The following IKZF1 variants were observed in gnomAD, a reference collection of about 807,000 sequenced individuals.
IKZF1 encodes the protein DNA-binding protein Ikaros.
A neutral mutation model predicts 51.7 loss-of-function variants in IKZF1; 10 were observed. The observed-to-expected ratio is 0.19, with a 90% CI of 0.12 to 0.33. IKZF1 has a LOEUF of 0.33. Ranked by LOEUF, IKZF1 falls within the 10% of genes least tolerant of loss-of-function variation. The pLI is 1.00. For missense variants in IKZF1, 484 were observed against 707.5 expected (o/e 0.68, Z 3.58); for synonymous variants, 280 against 282.3 (o/e 0.99, Z 0.08).
chr7:50,357,355 C>G (rs1562816271), intron 3 of IKZF1, among the ~76,000 whole-genome samples: 1 of 150,328 alleles, frequency 6.7e-6, no homozygotes, highest in Non-Finnish European at 1.5e-5. Flanking sequence ...ACCACCCCCC[C>G]ACCGCCAAGT....
chr7:50,337,276 A>C (rs1798023570), intron 3 of IKZF1, among the ~76,000 whole-genome samples: 1 of 152,152 alleles, frequency 6.6e-6, no homozygotes, highest in African/African-American at 2.4e-5. Context: ...ATGTGATTGA[A>C]GTCCAGTAAG....
At chr7:50,307,226 C>T (rs1055550926) in intron 1 of IKZF1, among the ~76,000 whole-genome samples, 5 of 151,882 alleles carry the variant, frequency 3.3e-5, no homozygotes, top group African/African-American at 1.2e-4. Flanking sequence ...CTGTGGTTAA[C>T]GAAGAATTCA....
At position 50,401,975 on chromosome 7, in the gene IKZF1, C is replaced by T. The variant is rs1562920551; in HGVS notation, c.*1348C>T. 1 of 227,992 alleles carries T rather than the reference C, an allele frequency of 4.4e-6. No individual in the cohort carries two copies. The allele number at this position is 227,992 out of a possible 1,614,324, so 14.1% of individuals were successfully genotyped here. A position where few individuals can be genotyped will look rare whatever the true frequency, so the allele number is the denominator to read the frequency against. ...TGGAATGCACAGGGCAATTGAGGGACTGAGCCAGACCTTCGGAGAGTAATG... is the reference window on the plus strand; with the variant it reads ...TGGAATGCACAGGGCAATTGAGGGATTGAGCCAGACCTTCGGAGAGTAATG... On this transcript the variant is annotated 3_prime_UTR_variant, in exon 8 of 8. Coordinates refer to ENST00000331340, the MANE Select transcript of IKZF1 (RefSeq NM_006060.6).
At chr7:50,352,934 T>C (rs1802228446) in intron 3 of IKZF1, among the ~76,000 whole-genome samples, 1 of 152,254 alleles carries the variant, frequency 6.6e-6, no homozygotes, top group African/African-American at 2.4e-5. Context: ...ATATTTGTAT[T>C]TTCCTCTCTT....
At chr7:50,349,777 A>G (rs995792671) in intron 3 of IKZF1, among the ~76,000 whole-genome samples, 1 of 152,184 alleles carries the variant, frequency 6.6e-6, no homozygotes, top group Admixed American at 6.5e-5. Context: ...AATAAATCTT[A>G]TAGGAAGTAC....
chr7:50,324,286 C>T (rs1794248676), intron 2 of IKZF1, among the ~76,000 whole-genome samples: 2 of 152,180 alleles, frequency 1.3e-5, no homozygotes, highest in African/African-American at 4.8e-5. Context: ...GTCTCAGCAG[C>T]CCGGACTTAC....
At chr7:50,387,808 G>T (rs1813860552) in intron 6 of IKZF1, among the ~76,000 whole-genome samples, 3 of 152,212 alleles carry the variant, frequency 2.0e-5, no homozygotes, top group East Asian at 1.9e-4. Flanking sequence ...AACACCTCAA[G>T]TAGTGATATT....
At chr7:50,352,006 C>T (rs745695811) in intron 3 of IKZF1, among the ~76,000 whole-genome samples, 4 of 152,208 alleles carry the variant, frequency 2.6e-5, no homozygotes, top group Admixed American at 6.5e-5. Flanking sequence ...ATTATAAACC[C>T]CTTAAGCAGA....
intron 3 of IKZF1, chr7:50,369,346 C>T (rs1253828154): frequency 2.5e-6 from 1 of 393,598 alleles, no homozygotes; most frequent in African/African-American, 2.1e-5. Context: ...TTGAAGCAGA[C>T]CCTTCAGTGA....
intron 3 of IKZF1, among the ~76,000 whole-genome samples, chr7:50,348,017 G>A (rs1194004904): frequency 3.9e-5 from 6 of 152,144 alleles, no homozygotes; most frequent in Admixed American, 1.3e-4. Context: ...AGAGCAGGGG[G>A]CCATGCAGGG....
intron 1 of IKZF1, among the ~76,000 whole-genome samples, chr7:50,312,680 A>G (rs933584611): frequency 7.2e-5 from 11 of 152,238 alleles, no homozygotes; most frequent in African/African-American, 2.7e-4. Context: ...TGTATTTTGA[A>G]AGGTTTCCTT....
intron 3 of IKZF1, among the ~76,000 whole-genome samples, chr7:50,364,488 C>T (rs1806230542): frequency 6.6e-6 from 1 of 152,172 alleles, no homozygotes; most frequent in African/African-American, 2.4e-5. Context: ...TTTTATTAAA[C>T]AGTGGCCTGA....
intron 3 of IKZF1, among the ~76,000 whole-genome samples, chr7:50,330,096 C>G (rs1295582283): frequency 1.3e-5 from 2 of 152,120 alleles, no homozygotes; most frequent in African/African-American, 2.4e-5. Flanking sequence ...AAAGTCCTGC[C>G]CTCGGTCCCA....
chr7:50,399,143 A>G (rs1265599801), intron 7 of IKZF1, among the ~76,000 whole-genome samples: 1 of 152,238 alleles, frequency 6.6e-6, no homozygotes, highest in Admixed American at 6.5e-5. Context: ...CTTTTAAAAA[A>G]TAACAGATGA....
chr7:50,346,849 T>C (rs1800506029), intron 3 of IKZF1, among the ~76,000 whole-genome samples: 1 of 152,210 alleles, frequency 6.6e-6, no homozygotes, highest in Non-Finnish European at 1.5e-5. Flanking sequence ...TTATTTACTA[T>C]TCCATTTCTG....
In IKZF1 at chr7:50,400,028, T is replaced by TCGGCA; in HGVS notation, c.961_962insCGGCA (p.Tyr321SerfsTer96). ...CCAAGCCATCAACAACGCCATCAAC[T>TCGGCA]ACCTGGGGGCCGAGTCCCTGCGCCC... On this transcript the variant is annotated frameshift_variant, in exon 8 of 8. Coordinates refer to ENST00000331340, the MANE Select transcript of IKZF1 (RefSeq NM_006060.6). LOFTEE classifies it high-confidence loss of function. This position sits in a 1 kb window ranked among gnomAD's most constrained non-coding sequence, Gnocchi z 5.4. The TCGGCA allele has an allele frequency of 6.2e-7, 1 of 1,612,576 alleles. No homozygotes were observed. The highest frequency in any genetic ancestry group is 8.5e-7 in the Non-Finnish European group (1 of 1,179,468).
intron 5 of IKZF1, among the ~76,000 whole-genome samples, chr7:50,386,872 G>C (rs1425488289): frequency 6.6e-6 from 1 of 152,192 alleles, no homozygotes. Context: ...TTAGCACCTG[G>C]AACTGAATTC....
Position 50,400,024 on chromosome 7 carries a change from C to T in IKZF1, c.957C>T (p.Ile319=), listed in dbSNP as rs1405705752. Reference sequence around the variant, plus strand: ...TGGACCAAGCCATCAACAACGCCATCAACTACCTGGGGGCCGAGTCCCTGC... The same window carrying T: ...TGGACCAAGCCATCAACAACGCCATTAACTACCTGGGGGCCGAGTCCCTGC... ...HVMDQAINNA[I]NYLGAESLRP... The change falls in exon 8 of 8, where the codon ATC becomes ATT. Residue 319 remains isoleucine (I), a synonymous_variant. Transcript: ENST00000331340. The surrounding 1 kb of genome is among the most constrained non-coding windows in gnomAD (Gnocchi z 5.4). 1 of 1,612,810 alleles carries T rather than the reference C, an allele frequency of 6.2e-7. No homozygotes were observed. The highest frequency in any genetic ancestry group is 1.3e-5 in the African/African-American group (1 of 74,906).
chr7:50,330,812 G>A (rs1374988834), intron 3 of IKZF1, among the ~76,000 whole-genome samples: 1 of 152,220 alleles, frequency 6.6e-6, no homozygotes, highest in Non-Finnish European at 1.5e-5. Context: ...GGAGTGCACA[G>A]CAGGAAATGA....
Sources: allele counts gnomAD v4.1 joint callset (sites outside exome capture counted in the v4.1 genomes callset), GRCh38; gene constraint gnomAD v4.1.1; non-coding constraint Gnocchi (gnomAD v3.1); transcripts MANE v1.5; gene names NCBI Gene and HGNC (gene_info 2026-07-23, HGNC 2026-07-21).